The following CUX2 variants were observed in gnomAD, a reference collection of about 807,000 sequenced individuals.
CUX2 encodes the protein homeobox protein cut-like 2.
CUX2 carries 40 observed loss-of-function variants against 144.8 expected under a neutral mutation model. That is an observed-to-expected ratio of 0.28 (90% CI 0.21 to 0.36). The LOEUF (loss-of-function observed/expected upper bound fraction) is 0.36, where lower values mean the gene tolerates loss of function less well. Among genes scored for constraint, CUX2 ranks in the 10% least tolerant of loss-of-function variants. The pLI, the probability that CUX2 is intolerant of heterozygous loss-of-function variation, is 1.00. For missense variants in CUX2, 1,615 were observed against 1,994.0 expected (o/e 0.81, Z 3.62); for synonymous variants, 827 against 875.6 (o/e 0.94, Z 0.98).
At chr12:111,069,121 G>A (rs536930220) in intron 1 of CUX2, among the ~76,000 whole-genome samples, 1 of 152,214 alleles carries the variant, frequency 6.6e-6, no homozygotes, top group East Asian at 1.9e-4. Flanking sequence ...AGAAAAAAAG[G>A]AATGTGGCCC....
chr12:111,319,010 A>C (rs972624384), intron 16 of CUX2, among the ~76,000 whole-genome samples: 1 of 152,070 alleles, frequency 6.6e-6, no homozygotes, highest in African/African-American at 2.4e-5. Context: ...ATTTGGATTC[A>C]TTGCTATTAG....
Position 111,320,028 on chromosome 12 carries a change from G to C in CUX2, c.2019G>C (p.Ser673=). 1 of 1,532,756 alleles carries C rather than the reference G, an allele frequency of 6.5e-7. No individual in the cohort carries two copies. Among genetic ancestry groups the C allele is most frequent in the Non-Finnish European group, 8.7e-7 (1 of 1,145,256 alleles). The allele number at this position is 1,532,756 out of a possible 1,614,324, so 94.9% of individuals were successfully genotyped here. The change falls in exon 17 of 22, where the codon TCG becomes TCC. Residue 673 remains serine (S), a synonymous_variant. Coordinates refer to ENST00000261726, the MANE Select transcript of CUX2 (RefSeq NM_015267.4). This position sits in a 1 kb window ranked among gnomAD's most constrained non-coding sequence, Gnocchi z 8.1. ...ESQKGGEPKT[S]VAPLSIANGT... ...TCCCCGCAGGCGAGCCCAAGACCTC[G>C]GTGGCCCCGCTGAGCATCGCCAACG...
At chr12:111,140,997 G>A (rs768025331) in intron 1 of CUX2, among the ~76,000 whole-genome samples, 1 of 152,124 alleles carries the variant, frequency 6.6e-6, no homozygotes, top group Admixed American at 6.5e-5. Flanking sequence ...GAGATGGCAC[G>A]TGAAGGGAGA....
At chr12:111,118,865 G>A (rs1429387141) in intron 1 of CUX2, among the ~76,000 whole-genome samples, 1 of 152,124 alleles carries the variant, frequency 6.6e-6, no homozygotes, top group Non-Finnish European at 1.5e-5. Context: ...CTGGCTTTTG[G>A]GATTTTTTCT....
chr12:111,184,228 G>A (rs958290302), intron 1 of CUX2, among the ~76,000 whole-genome samples: 5 of 152,250 alleles, frequency 3.3e-5, no homozygotes, highest in African/African-American at 1.2e-4. Flanking sequence ...CTACCAAGAT[G>A]TACATCTCAG....
intron 3 of CUX2, among the ~76,000 whole-genome samples, chr12:111,224,403 C>G (rs918195710): frequency 6.6e-6 from 1 of 152,006 alleles, no homozygotes; most frequent in Non-Finnish European, 1.5e-5. Context: ...TGGCCCCGAG[C>G]CCCCACCCAG....
rs1886662067 is a variant in CUX2, at chr12:111,307,733, T to G, written c.1109+476T>G. On this transcript the variant is annotated intron_variant, in intron 12 of 21. Coordinates refer to ENST00000261726, the MANE Select transcript of CUX2 (RefSeq NM_015267.4). The surrounding 1 kb of genome is among the most constrained non-coding windows in gnomAD (Gnocchi z 4.1). ...GAAATTCAACCATCTTCAGTCCTTT[T>G]CCATTAAGAGCTGCCTGTACGGGCA... Among the ~76,000 whole-genome samples, 1 of 151,822 alleles carries G rather than the reference T, an allele frequency of 6.6e-6. No homozygotes were observed. Among genetic ancestry groups the G allele is most frequent in the Non-Finnish European group, 1.5e-5 (1 of 67,928 alleles).
chr12:111,309,478 G>T (rs1230636938), intron 14 of CUX2, among the ~76,000 whole-genome samples: 3 of 152,270 alleles, frequency 2.0e-5, no homozygotes, highest in Middle Eastern at 3.4e-3. Flanking sequence ...GCATTTGGAT[G>T]GGGCCTGGAA....
intron 4 of CUX2, among the ~76,000 whole-genome samples, chr12:111,281,620 G>C (rs1455283565): frequency 1.3e-5 from 2 of 152,344 alleles, no homozygotes; most frequent in Non-Finnish European, 2.9e-5. Context: ...CAAGGACTCA[G>C]GTGCCCTGAG....
chr12:111,346,691 G>T (rs6490072), intron 21 of CUX2, among the ~76,000 whole-genome samples: 61,869 of 152,068 alleles, frequency 0.41, 16,285 homozygotes, highest in East Asian at 0.93. Context: ...ACAAGTTACT[G>T]AAAATTTCTT....
At chr12:111,157,975 C>G (rs1463237799) in intron 1 of CUX2, among the ~76,000 whole-genome samples, 1 of 152,142 alleles carries the variant, frequency 6.6e-6, no homozygotes, top group African/African-American at 2.4e-5. Context: ...GTTTAGGAAT[C>G]AGTAAAGCAA....
At chr12:111,311,681 C>A (rs1051864207) in intron 15 of CUX2, among the ~76,000 whole-genome samples, 3 of 151,002 alleles carry the variant, frequency 2.0e-5, no homozygotes, top group East Asian at 2.0e-4. Context: ...TCACTACAAC[C>A]ACCGCCTCCT....
Position 111,304,129 on chromosome 12 carries a change from C to A in CUX2, c.754-81C>A. 6 of 1,187,320 alleles carry A rather than the reference C, an allele frequency of 5.1e-6. No individual in the cohort carries two copies. Among genetic ancestry groups the A allele is most frequent in the South Asian group, 4.0e-5 (3 of 74,220 alleles). The allele number at this position is 1,187,320 out of a possible 1,614,324, so 73.5% of individuals were successfully genotyped here. A position where few individuals can be genotyped will look rare whatever the true frequency, so the allele number is the denominator to read the frequency against. On this transcript the variant is annotated intron_variant, in intron 9 of 21. Transcript: ENST00000261726. The surrounding 1 kb of genome is among the most constrained non-coding windows in gnomAD (Gnocchi z 4.7). ...GGCCCTCGGAGGTCTGCCTCCCCAA[C>A]CCCTGCCTGAAACAGTGCAGGGAGA...
chr12:111,344,318 C>A (rs79103037), intron 21 of CUX2, among the ~76,000 whole-genome samples: 2,626 of 152,240 alleles, frequency 0.017, 80 homozygotes, highest in East Asian at 0.12. Flanking sequence ...CAGAACATTT[C>A]ACTATAATCT....
chr12:111,326,319 A>G (rs1394503159), intron 18 of CUX2, among the ~76,000 whole-genome samples: 10 of 18,072 alleles, frequency 5.5e-4, no homozygotes, highest in Admixed American at 9.3e-4. Flanking sequence ...GTGGTGGGGG[A>G]GGGGTGGGTT....
chr12:111,226,832 TAAC>T (rs1358834913), intron 3 of CUX2, among the ~76,000 whole-genome samples: 8 of 152,246 alleles, frequency 5.3e-5, no homozygotes, highest in Non-Finnish European at 1.2e-4. Context: ...CCCGCACATT[TAAC>T]AACAATTAGT....
chr12:111,138,451 C>T (rs1314501751), intron 1 of CUX2, among the ~76,000 whole-genome samples: 1 of 152,018 alleles, frequency 6.6e-6, no homozygotes, highest in Non-Finnish European at 1.5e-5. Flanking sequence ...TCCAGAGGGT[C>T]GCAGCTCCAT....
intron 3 of CUX2, among the ~76,000 whole-genome samples, chr12:111,223,721 A>G (rs1002183647): frequency 3.7e-4 from 57 of 152,132 alleles, no homozygotes; most frequent in African/African-American, 1.4e-3. Flanking sequence ...TGGACATCCA[A>G]CCCAGTCAAG....
chr12:111,325,236 A>G (rs957052222), intron 18 of CUX2, among the ~76,000 whole-genome samples: 4 of 151,556 alleles, frequency 2.6e-5, no homozygotes, highest in East Asian at 2.0e-4. Flanking sequence ...GGAGCTTGCA[A>G]TGAGCCGAGA....
Sources: allele counts gnomAD v4.1 joint callset (sites outside exome capture counted in the v4.1 genomes callset), GRCh38; gene constraint gnomAD v4.1.1; non-coding constraint Gnocchi (gnomAD v3.1); transcripts MANE v1.5; gene names NCBI Gene and HGNC (gene_info 2026-07-23, HGNC 2026-07-21).